Variants in CELSR1 observed in about 807,000 individuals in gnomAD.
The protein encoded by CELSR1 is cadherin EGF LAG seven-pass G-type receptor 1.
A neutral mutation model predicts 249.1 loss-of-function variants in CELSR1; 110 were observed. The ratio of observed to expected loss-of-function variants is 0.44; its 90% confidence interval spans 0.38 to 0.52. CELSR1 has a LOEUF of 0.52. Ranked by LOEUF, CELSR1 falls within the 20% of genes least tolerant of loss-of-function variation. CELSR1 has a pLI of 0.00. For synonymous variants in CELSR1, 2,113 were observed against 1,900.0 expected (o/e 1.11, Z -2.92); for missense variants, 4,109 against 4,296.4 (o/e 0.96, Z 1.22).
rs150834991 is a variant in CELSR1 at position 46,464,023 on chromosome 22, C to G, written c.3867G>C (p.Thr1289=). ...GCTGCGTGGAGATGGTGGTCAGCAGCGTCCGATTCAGGTAGATCTGCTCCT... is the reference window on the plus strand; with the variant it reads ...GCTGCGTGGAGATGGTGGTCAGCAGGGTCCGATTCAGGTAGATCTGCTCCT... ...DLQEQIYLNR[T]LLTTISTQRV... is the part of the protein sequence containing the mutation. The change falls in exon 2 of 35, where the codon ACG becomes ACC. Residue 1289 remains threonine (T), a synonymous_variant. Coordinates refer to ENST00000674500, the MANE Select transcript of CELSR1 (RefSeq NM_001378328.1). The surrounding 1 kb of genome is among the most constrained non-coding windows in gnomAD (Gnocchi z 8.5). 3 of 1,613,708 alleles carry G rather than the reference C, an allele frequency of 1.9e-6. No individual in the cohort carries two copies. The highest frequency in any genetic ancestry group is 3.3e-5 in the Admixed American group (2 of 60,010).
In CELSR1 at chr22:46,386,508, G is replaced by C. The variant is rs200411549; in HGVS notation, c.6633C>G (p.Gly2211=). The change falls in exon 19 of 35, where the codon GGC becomes GGG. Residue 2211 remains glycine (G), a synonymous_variant. Coordinates refer to ENST00000674500, the MANE Select transcript of CELSR1 (RefSeq NM_001378328.1). ...AAWEQIQRSE[G]GTAQLLRRLE... is the part of the protein sequence containing the mutation. The stretch of plus-strand genomic sequence containing the variant: ...GGCGCCGGAGCAGCTGTGCCGTGCC[G>C]CCCTCGCTCCGCTGGATCTGCTCCC... 6.3e-7 allele frequency: 1 copy of C among 1,597,452 alleles called. No homozygotes were observed. Among genetic ancestry groups the C allele is most frequent in the South Asian group, 1.1e-5 (1 of 88,552 alleles).
intron 2 of CELSR1, 109 bp from the exon 3 acceptor site, chr22:46,439,520 G>T: frequency 1.2e-6 from 1 of 868,998 alleles, no homozygotes; most frequent in Admixed American, 2.3e-5. Flanking sequence ...GTCAGCTGCT[G>T]AAAGAAAACC....
chr22:46,371,276 G>A (rs1392046696), intron 25 of CELSR1, among the ~76,000 whole-genome samples: 2 of 147,986 alleles, frequency 1.4e-5, no homozygotes, highest in Non-Finnish European at 1.5e-5. Flanking sequence ...GTGGAGACCA[G>A]GACGGTCCAG....
At chr22:46,451,551 C>T in intron 2 of CELSR1, among the ~76,000 whole-genome samples, 1 of 152,212 alleles carries the variant, frequency 6.6e-6, no homozygotes, top group East Asian at 1.9e-4. Flanking sequence ...TCTTCTGGTG[C>T]TTGCAGCAGC....
At position 46,536,564 on chromosome 22, in the gene CELSR1, C is replaced by A. The variant is rs987431169; in HGVS notation, c.607G>T (p.Ala203Ser). ...GACGCGGAGGGCGTCCCCGCGGTGG[C>A]GGCCTCCAGCGCCAGTCCCACCCGG... ...AVRVGLALEA[A>S]TAGTPSASPS... Residue 203 changes from alanine to serine, a missense_variant, in exon 1 of 35, where the codon GCC (alanine) becomes TCC (serine). Coordinates refer to ENST00000674500, the MANE Select transcript of CELSR1 (RefSeq NM_001378328.1). 2.3e-6 allele frequency: 3 copies of A among 1,314,606 alleles called. No individual in the cohort carries two copies. In the South Asian group the frequency reaches 6.1e-5, roughly 27 times the overall value. The allele number at this position is 1,314,606 out of a possible 1,614,324, so 81.4% of individuals were successfully genotyped here. A position where few individuals can be genotyped will look rare whatever the true frequency, so the allele number is the denominator to read the frequency against.
chr22:46,452,142 CTT>C (rs1425707743), intron 2 of CELSR1, among the ~76,000 whole-genome samples: 1 of 151,288 alleles, frequency 6.6e-6, no homozygotes, highest in African/African-American at 2.5e-5. Context: ...TTTGTGATCA[CTT>C]ATCACAGCAG....
At chr22:46,375,519 C>T (rs1297388155) in intron 24 of CELSR1, among the ~76,000 whole-genome samples, 2 of 151,148 alleles carry the variant, frequency 1.3e-5, no homozygotes, top group Non-Finnish European at 2.9e-5. Context: ...TTCTGCCCGT[C>T]GTCCACCTGC....
chr22:46,533,212 C>T (rs1178424370), intron 1 of CELSR1, among the ~76,000 whole-genome samples: 1 of 152,224 alleles, frequency 6.6e-6, no homozygotes, highest in East Asian at 1.9e-4. Context: ...AATTAATTGG[C>T]ACTGGGAAGG....
At chr22:46,507,844 T>C (rs2080530575) in intron 1 of CELSR1, among the ~76,000 whole-genome samples, 1 of 132,620 alleles carries the variant, frequency 7.5e-6, no homozygotes, top group African/African-American at 2.8e-5. Context: ...CAGAGTACAG[T>C]GGGCAGTCAG....
At chr22:46,516,177 A>C (rs562360045) in intron 1 of CELSR1, among the ~76,000 whole-genome samples, 4 of 152,310 alleles carry the variant, frequency 2.6e-5, no homozygotes, top group South Asian at 4.1e-4. Flanking sequence ...TTGCGGCACT[A>C]CTCACAATAG....
At chr22:46,432,008 G>A (rs568408495) in intron 5 of CELSR1, among the ~76,000 whole-genome samples, 2 of 152,294 alleles carry the variant, frequency 1.3e-5, no homozygotes, top group South Asian at 4.1e-4. Flanking sequence ...CCCCGAGCAA[G>A]CACTCAGCTC....
Position 46,401,856 on chromosome 22 carries a change from G to A in CELSR1, c.5227-1954C>T. On this transcript the variant is annotated intron_variant, in intron 9 of 34. Transcript: ENST00000674500. This position sits in a 1 kb window ranked among gnomAD's most constrained non-coding sequence, Gnocchi z 4.7. ...AACTCTGTGACTTTGGGAGACCAAGGCGGGTGGATCACCTGAGGTCAGGAG... is the reference window on the plus strand; with the variant it reads ...AACTCTGTGACTTTGGGAGACCAAGACGGGTGGATCACCTGAGGTCAGGAG... Among the ~76,000 whole-genome samples, 1 of 152,102 alleles carries A rather than the reference G, an allele frequency of 6.6e-6. No individual in the cohort carries two copies.
rs2079746142 is a variant in CELSR1 at position 46,441,324 on chromosome 22, G to A, written c.4184-1913C>T. Among the ~76,000 whole-genome samples the A allele has an allele frequency of 6.6e-6, 1 of 152,056 alleles. No individual in the cohort carries two copies. Among genetic ancestry groups the A allele is most frequent in the Non-Finnish European group, 1.5e-5 (1 of 68,006 alleles). Reference sequence around the variant, plus strand: ...GGCTCCACGATGGGCCCTTTGGACAGGCACCTGCAATGTCCCCCCGAGAGG... The same window carrying A: ...GGCTCCACGATGGGCCCTTTGGACAAGCACCTGCAATGTCCCCCCGAGAGG... On this transcript the variant is annotated intron_variant, in intron 2 of 34. Transcript: ENST00000674500. The surrounding 1 kb of genome is among the most constrained non-coding windows in gnomAD (Gnocchi z 6.1).
Position 46,380,909 on chromosome 22 carries a change from C to T in CELSR1, c.7135G>A (p.Val2379Met). ...GGGAGCGGAGCCCCCTCGCTGTACA[C>T]CAGCGTGCTCACCATCGGGGTATTA... ...IINTPMVSTL[V>M]YSEGAPLPRP... The change falls in exon 22 of 35, where the codon GTG becomes ATG. Residue 2379 changes from valine (V) to methionine (M), a missense_variant. By Grantham distance (21) the Val-to-Met change is conservative (BLOSUM62 1). Coordinates refer to ENST00000674500, the MANE Select transcript of CELSR1 (RefSeq NM_001378328.1). This position sits in a 1 kb window ranked among gnomAD's most constrained non-coding sequence, Gnocchi z 5.1. The T allele has an allele frequency of 6.2e-7, 1 of 1,613,714 alleles. No individual in the cohort carries two copies. The highest frequency in any genetic ancestry group is 8.5e-7 in the Non-Finnish European group (1 of 1,179,994).
chr22:46,381,062 GA>G lies in CELSR1; in HGVS notation c.7089-108del. On this transcript the variant is annotated intron_variant, in intron 21 of 34. Coordinates refer to ENST00000674500, the MANE Select transcript of CELSR1 (RefSeq NM_001378328.1). The surrounding 1 kb of genome is among the most constrained non-coding windows in gnomAD (Gnocchi z 6.0). ...CACGCCATGATGTGTTTCTAGGGGA[GA>G]CAGAATCACACTCCGAGAGCTCGGA... is the stretch of plus-strand genomic sequence containing the variant. The G allele has an allele frequency of 8.2e-7, 1 of 1,213,346 alleles. No individual in the cohort carries two copies. Among genetic ancestry groups the G allele is most frequent in the African/African-American group, 1.5e-5 (1 of 66,042 alleles). The allele number at this position is 1,213,346 out of a possible 1,614,324, so 75.2% of individuals were successfully genotyped here.
At position 46,372,810 on chromosome 22, in the gene CELSR1, G is replaced by A. The variant is rs145090712; in HGVS notation, c.7759+73C>T. The A allele has an allele frequency of 7.2e-4, 1,077 of 1,504,606 alleles. 8 individuals carry two copies. The African/African-American group carries it at 0.013, about 18-fold the overall frequency. The allele number at this position is 1,504,606 out of a possible 1,614,324, so 93.2% of individuals were successfully genotyped here. On this transcript the variant is annotated intron_variant, in intron 25 of 34. Coordinates refer to ENST00000674500, the MANE Select transcript of CELSR1 (RefSeq NM_001378328.1). ...GGGCTGGGCAGGGAAGAGAAAGGAGGGCAGCGTTCCTGCACAGCTGGGGTC... is the reference window on the plus strand; with the variant it reads ...GGGCTGGGCAGGGAAGAGAAAGGAGAGCAGCGTTCCTGCACAGCTGGGGTC...
intron 1 of CELSR1, among the ~76,000 whole-genome samples, chr22:46,510,680 T>C (rs552713857): frequency 4.8e-4 from 73 of 152,334 alleles, no homozygotes; most frequent in African/African-American, 1.7e-3. Flanking sequence ...TTGGGGGTGT[T>C]TTCCTTTCTC....
intron 1 of CELSR1, among the ~76,000 whole-genome samples, chr22:46,475,765 A>G (rs1057028549): frequency 6.6e-6 from 1 of 152,186 alleles, no homozygotes; most frequent in African/African-American, 2.4e-5. Flanking sequence ...ATAATCTTCG[A>G]TAACACTTAT....
chr22:46,497,743 C>T (rs2080426916), intron 1 of CELSR1, among the ~76,000 whole-genome samples: 1 of 152,186 alleles, frequency 6.6e-6, no homozygotes, highest in Non-Finnish European at 1.5e-5. Context: ...GTTCAACCTA[C>T]TACATGGAGT....
Sources: allele counts gnomAD v4.1 joint callset (sites outside exome capture counted in the v4.1 genomes callset), GRCh38; gene constraint gnomAD v4.1.1; non-coding constraint Gnocchi (gnomAD v3.1); transcripts MANE v1.5; gene names NCBI Gene and HGNC (gene_info 2026-07-23, HGNC 2026-07-21).